SCD5: variants seen among roughly 807,000 people sequenced by gnomAD.
SCD5 encodes stearoyl-CoA desaturase 5, also known as acyl-CoA-desaturase 4.
In SCD5, 20 loss-of-function variants were observed where a neutral mutation model predicts 30.4. The ratio of observed to expected loss-of-function variants is 0.66; its 90% CI spans 0.46 to 0.96. The LOEUF is 0.96. Among genes scored for constraint, SCD5 ranks in the 40% least tolerant of loss-of-function variants. The pLI is 0.00. For synonymous variants in SCD5, 173 were observed against 176.4 expected, an observed-to-expected ratio of 0.98 and a Z score of 0.16; for missense variants, 381 against 443.3, an observed-to-expected ratio of 0.86 and a Z score of 1.26.
At chr4:82,762,495 G>A (rs927069456) in intron 1 of SCD5, among the ~76,000 whole-genome samples, 3 of 152,128 alleles carry the variant, frequency 2.0e-5, no homozygotes, top group South Asian at 4.1e-4. Flanking sequence ...CACCTGCCTC[G>A]GCCTCCCAAA....
chr4:82,714,901 G>A (rs555453250), intron 1 of SCD5, among the ~76,000 whole-genome samples: 1 of 149,276 alleles, frequency 6.7e-6, no homozygotes, highest in Non-Finnish European at 1.5e-5. Flanking sequence ...TATGTAGCTA[G>A]AGAGATAGAA....
intron 3 of SCD5, among the ~76,000 whole-genome samples, chr4:82,640,379 A>G (rs1300627664): frequency 2.0e-5 from 3 of 152,194 alleles, no homozygotes; most frequent in African/African-American, 7.2e-5. Context: ...CTCTTCCTCA[A>G]AAAAGACATT....
chr4:82,654,664 CA>C (rs1330752279), intron 3 of SCD5, among the ~76,000 whole-genome samples: 1 of 152,092 alleles, frequency 6.6e-6, no homozygotes, highest in African/African-American at 2.4e-5. Flanking sequence ...TGCCCGTGGG[CA>C]ACAACATAGA....
chr4:82,739,093 T>G (rs951518084), intron 1 of SCD5, among the ~76,000 whole-genome samples: 1 of 152,206 alleles, frequency 6.6e-6, no homozygotes, highest in Non-Finnish European at 1.5e-5. Flanking sequence ...AGTTGCGGGT[T>G]GACTGTGACT....
At chr4:82,759,294 C>T (rs1721297157) in intron 1 of SCD5, among the ~76,000 whole-genome samples, 1 of 152,200 alleles carries the variant, frequency 6.6e-6, no homozygotes, top group African/African-American at 2.4e-5. Context: ...TGGAGGAAGG[C>T]CGTCTTTTTC....
At chr4:82,758,969 C>G (rs931153630) in intron 1 of SCD5, among the ~76,000 whole-genome samples, 1 of 152,226 alleles carries the variant, frequency 6.6e-6, no homozygotes, top group Non-Finnish European at 1.5e-5. Flanking sequence ...TGAGGCACAC[C>G]CTGACTCAAG....
intron 1 of SCD5, among the ~76,000 whole-genome samples, chr4:82,755,994 A>G (rs1472820785): frequency 6.6e-6 from 1 of 152,224 alleles, no homozygotes; most frequent in Non-Finnish European, 1.5e-5. Context: ...TCAAATTGTC[A>G]TCTAAATGGA....
At chr4:82,775,379 T>C (rs545970698) in intron 1 of SCD5, 1 of 152,354 alleles carries the variant, frequency 6.6e-6, no homozygotes, top group South Asian at 2.1e-4. Flanking sequence ...GGCATAGGTG[T>C]AGGTGAGGTG....
chr4:82,632,790 T>A (rs1227609885), intron 4 of SCD5, among the ~76,000 whole-genome samples: 3 of 152,170 alleles, frequency 2.0e-5, no homozygotes, highest in African/African-American at 7.2e-5. Context: ...TCACTTTTTT[T>A]AAAAGATGTA....
chr4:82,771,022 G>A (rs1000834739), intron 1 of SCD5, among the ~76,000 whole-genome samples: 6 of 152,294 alleles, frequency 3.9e-5, no homozygotes, highest in African/African-American at 9.6e-5. Flanking sequence ...CTGGAGTGCA[G>A]TGGCACAATC....
chr4:82,760,317 TAA>T (rs1721336164), intron 1 of SCD5, among the ~76,000 whole-genome samples: 1 of 152,250 alleles, frequency 6.6e-6, no homozygotes, highest in South Asian at 2.1e-4. Flanking sequence ...TTCCCCTGAA[TAA>T]GTCTGCTCCT....
chr4:82,658,370 T>C (rs926128955), intron 3 of SCD5, among the ~76,000 whole-genome samples: 4 of 152,150 alleles, frequency 2.6e-5, no homozygotes, highest in African/African-American at 9.7e-5. Context: ...TTTTTGTCAT[T>C]GGTTCTGTTT....
chr4:82,719,508 C>CTT (rs10635133), intron 1 of SCD5, among the ~76,000 whole-genome samples: 44,150 of 142,050 alleles, frequency 0.31, 7,696 homozygotes, highest in Middle Eastern at 0.41. Context: ...ATATGATTTT[C>CTT]TTTTTTTTTT....
rs764770286 is a variant in SCD5, at chr4:82,717,623, GT to G, written c.233-12211del. 6.5e-4 allele frequency among the ~76,000 whole-genome samples: 98 copies of G among 151,720 alleles called. 1 individual carries two copies. Among genetic ancestry groups the G allele is most frequent in the Non-Finnish European group, 1.2e-3 (84 of 67,998 alleles). On this transcript the variant is annotated intron_variant, in intron 1 of 4. Transcript: ENST00000319540. Reference sequence around the variant, plus strand: ...TAAATAGGAAACTAATATCAAAATCGTTGGTCCTTTGGCCTGGTGCAGTGGC... The same window carrying G: ...TAAATAGGAAACTAATATCAAAATCGTGGTCCTTTGGCCTGGTGCAGTGGC...
chr4:82,749,835 T>G (rs1405063847), intron 1 of SCD5, among the ~76,000 whole-genome samples: 3 of 152,228 alleles, frequency 2.0e-5, no homozygotes, highest in Non-Finnish European at 4.4e-5. Flanking sequence ...GCTGTCAACT[T>G]TAGTCTCATG....
intron 1 of SCD5, among the ~76,000 whole-genome samples, chr4:82,748,200 G>A (rs1171476443): frequency 6.6e-6 from 1 of 152,162 alleles, no homozygotes; most frequent in African/African-American, 2.4e-5. Flanking sequence ...TCTAGACAGA[G>A]TCAAAGCAGG....
chr4:82,683,929 T>C (rs1177299041), intron 2 of SCD5, among the ~76,000 whole-genome samples: 1 of 152,214 alleles, frequency 6.6e-6, no homozygotes, highest in African/African-American at 2.4e-5. Flanking sequence ...CTTTTCTTTA[T>C]AGATTACCCA....
intron 1 of SCD5, among the ~76,000 whole-genome samples, chr4:82,796,056 G>A (rs1037157897): frequency 6.6e-6 from 1 of 151,868 alleles, no homozygotes; most frequent in African/African-American, 2.4e-5. Flanking sequence ...GGATCACGAG[G>A]TCAGGAGATT....
At chr4:82,748,702 A>C (rs1454117756) in intron 1 of SCD5, among the ~76,000 whole-genome samples, 4 of 152,184 alleles carry the variant, frequency 2.6e-5, no homozygotes, top group Non-Finnish European at 5.9e-5. Context: ...AAGTGAGTTT[A>C]CCGAGGTTAG....
Sources: allele counts gnomAD v4.1 joint callset (sites outside exome capture counted in the v4.1 genomes callset), GRCh38; gene constraint gnomAD v4.1.1; transcripts MANE v1.5; gene names NCBI Gene and HGNC (gene_info 2026-07-23, HGNC 2026-07-21).